KLC1: variants seen among roughly 807,000 people sequenced by gnomAD.
KLC1 encodes kinesin light chain 1.
Under a neutral mutation model 84.2 loss-of-function variants are expected in KLC1, and 30 were observed. That is an observed-to-expected ratio of 0.36 (90% CI 0.27 to 0.48). The LOEUF (loss-of-function observed/expected upper bound fraction) is 0.48, where lower values mean the gene tolerates loss of function less well. KLC1 is among the 20% of genes least tolerant of loss of function. The pLI, the probability that KLC1 is intolerant of heterozygous loss-of-function variation, is 0.99. For synonymous variants in KLC1, 289 were observed against 293.3 expected (o/e 0.99, Z 0.15); for missense variants, 499 against 805.4 (o/e 0.62, Z 4.60).
intron 15 of KLC1, chr14:103,697,208 CTT>C: frequency 1.0e-5 from 8 of 782,128 alleles, no homozygotes; most frequent in Non-Finnish European, 1.2e-5. Context: ...CCCAAAATAA[CTT>C]TTTCCCATGT....
chr14:103,683,492 G>C (rs1439338362), intron 13 of KLC1: 1 of 152,222 alleles, frequency 6.6e-6, no homozygotes, highest in Non-Finnish European at 1.5e-5. Context: ...TATAACTGCT[G>C]TCCGTGTGGC....
At chr14:103,674,222 G>A (rs74749630) in intron 9 of KLC1, among the ~76,000 whole-genome samples, 10 of 152,042 alleles carry the variant, frequency 6.6e-5, no homozygotes, top group African/African-American at 2.4e-4. Context: ...AAACCATACC[G>A]TCCATATCAT....
chr14:103,679,151 G>A (rs1187907333), intron 12 of KLC1, among the ~76,000 whole-genome samples: 1 of 152,080 alleles, frequency 6.6e-6, no homozygotes, highest in African/African-American at 2.4e-5. Flanking sequence ...AGTTGAACAC[G>A]GGTACACACC....
chr14:103,700,608 G>A (rs745347028), intron 15 of KLC1, 47 bp from the exon 16 acceptor site: 1 of 1,520,520 alleles, frequency 6.6e-7, no homozygotes, highest in Non-Finnish European at 9.1e-7. Context: ...GACGCCTGAG[G>A]GCCGCCTGCA....
intron 1 of KLC1, among the ~76,000 whole-genome samples, chr14:103,631,584 G>A (rs1470363242): frequency 6.6e-6 from 1 of 152,146 alleles, no homozygotes; most frequent in African/African-American, 2.4e-5. Context: ...TAAGTGGAAT[G>A]TTAGAAACCA....
At chr14:103,651,665 C>T (rs766645730) in intron 1 of KLC1, among the ~76,000 whole-genome samples, 30 of 152,174 alleles carry the variant, frequency 2.0e-4, no homozygotes, top group Non-Finnish European at 3.8e-4. Flanking sequence ...GCTCTCACTC[C>T]GTGCTGCTCC....
At chr14:103,637,071 T>G (rs1341480025) in intron 1 of KLC1, among the ~76,000 whole-genome samples, 1 of 151,620 alleles carries the variant, frequency 6.6e-6, no homozygotes, top group Non-Finnish European at 1.5e-5. Flanking sequence ...AGTCTTGCTC[T>G]TGCTCTATTG....
In KLC1 at chr14:103,682,048, A is replaced by G. The variant is rs144246592; in HGVS notation, c.1650+2503A>G. Among the ~76,000 whole-genome samples the G allele has an allele frequency of 4.1e-4, 63 of 152,278 alleles. 1 individual carries two copies. The highest frequency in any genetic ancestry group is 1.5e-3 in the African/African-American group (61 of 41,550). On this transcript the variant is annotated intron_variant, in intron 13 of 16. Transcript: ENST00000334553. Reference sequence around the variant, plus strand: ...TTCAGTATTATGCAATTAAGTTAAAATAGAGACATAGGTGTTGAGGTAAAT... The same window carrying G: ...TTCAGTATTATGCAATTAAGTTAAAGTAGAGACATAGGTGTTGAGGTAAAT...
chr14:103,645,882 C>T (rs575583139), intron 1 of KLC1, among the ~76,000 whole-genome samples: 1 of 151,922 alleles, frequency 6.6e-6, no homozygotes, highest in Non-Finnish European at 1.5e-5. Context: ...CTCAGCCTCC[C>T]GAGTAGCTGG....
intron 1 of KLC1, among the ~76,000 whole-genome samples, chr14:103,629,763 C>T (rs940777337): frequency 6.6e-6 from 1 of 152,142 alleles, no homozygotes; most frequent in Admixed American, 6.5e-5. Context: ...GCGTCCTCCC[C>T]ATCCGCGTCC....
intron 12 of KLC1, 67 bp downstream of exon 12, chr14:103,677,590 AAT>A (rs2081006521): frequency 1.1e-6 from 1 of 886,870 alleles, no homozygotes; most frequent in African/African-American, 1.7e-5. Context: ...CTTTTACATG[AAT>A]TTTATTGAAA....
rs554952047 is a variant in KLC1 at position 103,689,795 on chromosome 14, G to A, written c.1782-2564G>A. Among the ~76,000 whole-genome samples the A allele has an allele frequency of 3.3e-5, 5 of 152,328 alleles. No homozygotes were observed. In the South Asian group the frequency reaches 1.0e-3, roughly 32 times the overall value. On this transcript the variant is annotated intron_variant, in intron 14 of 16. Transcript: ENST00000334553. ...GCCACGTGTTCAAACAAGGCAGTTC[G>A]CAAGAGTGGTAGGAAGAGACGTTGA...
intron 7 of KLC1, among the ~76,000 whole-genome samples, chr14:103,670,582 G>A (rs938041275): frequency 3.3e-5 from 5 of 151,362 alleles, no homozygotes; most frequent in African/African-American, 1.2e-4. Context: ...TGATCCGCCC[G>A]CCTTGGCCTC....
Position 103,685,331 on chromosome 14 carries a change from T to C in KLC1, c.1651-1750T>C, listed in dbSNP as rs867767339. The C allele has an allele frequency of 9.4e-6, 12 of 1,275,468 alleles. No individual in the cohort carries two copies. The African/African-American group carries it at 1.4e-4, about 15-fold the overall frequency. The allele number at this position is 1,275,468 out of a possible 1,614,324, so 79.0% of individuals were successfully genotyped here. ...CTTATATACAGTTACTTGTAAAGCC[T>C]TTTACACCAAGTGTCAAGGAGATTT... On this transcript the variant is annotated intron_variant, in intron 13 of 16. Coordinates refer to ENST00000334553, the MANE Select transcript of KLC1 (RefSeq NM_001394837.1).
At chr14:103,692,238 G>T (rs573540630) in intron 14 of KLC1, 121 bp from the exon 15 acceptor site, 7 of 835,864 alleles carry the variant, frequency 8.4e-6, no homozygotes, top group South Asian at 8.0e-5. Flanking sequence ...CAAGATGAAG[G>T]CAAGGTCCCT....
chr14:103,657,457 A>G, intron 2 of KLC1, 89 bp from the exon 3 acceptor site: 1 of 949,192 alleles, frequency 1.1e-6, no homozygotes, highest in Non-Finnish European at 1.7e-6. Context: ...AGTGTAAGCT[A>G]CAGCCCCAGC....
chr14:103,638,721 G>A (rs2077243475), intron 1 of KLC1, among the ~76,000 whole-genome samples: 2 of 141,780 alleles, frequency 1.4e-5, no homozygotes, highest in African/African-American at 5.3e-5. Context: ...GAGTCTGGGT[G>A]TATATGTATG....
intron 1 of KLC1, among the ~76,000 whole-genome samples, chr14:103,640,354 C>T (rs1040537016): frequency 8.6e-5 from 13 of 151,964 alleles, no homozygotes; most frequent in Admixed American, 7.2e-4. Flanking sequence ...GCCACTGCCC[C>T]TGGCCTGTGA....
At chr14:103,665,311 A>G (rs572242515) in intron 5 of KLC1, among the ~76,000 whole-genome samples, 3 of 152,016 alleles carry the variant, frequency 2.0e-5, no homozygotes, top group East Asian at 3.9e-4. Context: ...TTGACGTCCC[A>G]AAGTGCTGGG....
Sources: allele counts gnomAD v4.1 joint callset (sites outside exome capture counted in the v4.1 genomes callset), GRCh38; gene constraint gnomAD v4.1.1; transcripts MANE v1.5; gene names NCBI Gene and HGNC (gene_info 2026-07-23, HGNC 2026-07-21).